Variants in STK33 observed in about 807,000 individuals in gnomAD.
STK33 encodes serine/threonine-protein kinase 33.
STK33 carries 52 observed loss-of-function variants against 58.0 expected under a neutral mutation model. The ratio of observed to expected loss-of-function variants is 0.90; its 90% CI spans 0.72 to 1.13. STK33 has a LOEUF of 1.13. STK33 is among the 50% of genes most tolerant of loss of function. The probability of loss-of-function intolerance (pLI) is 0.00; values close to 1 mark genes in which losing one functional copy is unlikely to be tolerated. For missense variants in STK33, 630 were observed against 604.2 expected, an observed-to-expected ratio of 1.04 and a Z score of -0.45; for synonymous variants, 215 against 200.1, an observed-to-expected ratio of 1.07 and a Z score of -0.63.
intron 14 of STK33, among the ~76,000 whole-genome samples, chr11:8,426,638 T>A (rs1240627415): frequency 6.6e-6 from 1 of 152,102 alleles, no homozygotes; most frequent in Non-Finnish European, 1.5e-5. Context: ...TTATTTTGTG[T>A]TTTTTTCAAA....
intron 1 of STK33, among the ~76,000 whole-genome samples, chr11:8,487,591 A>C (rs143924470): frequency 5.8e-4 from 88 of 152,276 alleles, no homozygotes; most frequent in African/African-American, 1.9e-3. Context: ...GGATAATCAG[A>C]GGAAGTCTTC....
intron 14 of STK33, among the ~76,000 whole-genome samples, chr11:8,432,207 C>T (rs1468925868): frequency 6.6e-6 from 1 of 152,172 alleles, no homozygotes; most frequent in Non-Finnish European, 1.5e-5. Context: ...TAATTTATAG[C>T]AGTGGCTTTT....
At chr11:8,339,190 C>T in the STK33 span, among the ~76,000 whole-genome samples, 2 of 152,226 alleles carry the variant, frequency 1.3e-5, no homozygotes, top group African/African-American at 4.8e-5. Context: ...GTTTGGGGAG[C>T]GATGGGGCTC....
intron 15 of STK33, among the ~76,000 whole-genome samples, chr11:8,398,314 C>T (rs1446320587): frequency 3.3e-5 from 5 of 152,214 alleles, no homozygotes; most frequent in Non-Finnish European, 7.3e-5. Context: ...ATTCAACATT[C>T]TTAAAGCAAA....
chr11:8,473,818 T>C (rs760890739), intron 5 of STK33, among the ~76,000 whole-genome samples: 2 of 152,300 alleles, frequency 1.3e-5, no homozygotes, highest in Admixed American at 6.5e-5. Context: ...CTTAGGCTTA[T>C]TGCTCTGTCT....
chr11:8,370,733 G>A, the STK33 span, among the ~76,000 whole-genome samples: 1 of 152,162 alleles, frequency 6.6e-6, no homozygotes, highest in East Asian at 1.9e-4. Flanking sequence ...GGCTGGAGGG[G>A]CCCCGGGCAA....
chr11:8,338,140 G>A, the STK33 span, among the ~76,000 whole-genome samples: 1 of 152,220 alleles, frequency 6.6e-6, no homozygotes, highest in African/African-American at 2.4e-5. Context: ...AGTATACAGG[G>A]GTGATTAACA....
At chr11:8,431,155 G>A (rs1391561149) in intron 14 of STK33, among the ~76,000 whole-genome samples, 3 of 151,960 alleles carry the variant, frequency 2.0e-5, no homozygotes, top group Admixed American at 6.6e-5. Flanking sequence ...GTGACCCACC[G>A]CACCCGGCCT....
the STK33 span, among the ~76,000 whole-genome samples, chr11:8,357,255 C>T: frequency 6.6e-6 from 1 of 152,242 alleles, no homozygotes; most frequent in African/African-American, 2.4e-5. Context: ...GGCGCGATTA[C>T]ACATTCTCTG....
intron 1 of STK33, among the ~76,000 whole-genome samples, chr11:8,488,910 A>G (rs1042250856): frequency 6.6e-6 from 1 of 152,222 alleles, no homozygotes; most frequent in East Asian, 1.9e-4. Context: ...CTAGACAAAG[A>G]CTTTAAATGA....
intron 1 of STK33, among the ~76,000 whole-genome samples, chr11:8,537,466 G>C (rs897417347): frequency 2.0e-5 from 3 of 152,138 alleles, no homozygotes; most frequent in Non-Finnish European, 4.4e-5. Flanking sequence ...CTGCTTTAAA[G>C]TTCTTGTCAT....
intron 2 of STK33, among the ~76,000 whole-genome samples, chr11:8,478,713 A>G (rs1949513821): frequency 6.6e-6 from 1 of 152,132 alleles, no homozygotes. Context: ...TAAATAGTCA[A>G]TTCAGTCAAA....
the STK33 span, among the ~76,000 whole-genome samples, chr11:8,343,395 T>A: frequency 6.6e-6 from 1 of 152,206 alleles, no homozygotes; most frequent in Non-Finnish European, 1.5e-5. Flanking sequence ...TGACTGGCAG[T>A]GGGGACAGCA....
intron 15 of STK33, among the ~76,000 whole-genome samples, chr11:8,400,924 C>A (rs180796652): frequency 0.19 from 28,995 of 151,866 alleles, 3,352 homozygotes; most frequent in African/African-American, 0.31. Context: ...ATGTGAAGGA[C>A]CTCTTCAAGG....
intron 1 of STK33, 103 bp downstream of exon 1, chr11:8,593,980 T>A (rs2033032385): frequency 6.6e-6 from 1 of 152,222 alleles, no homozygotes; most frequent in South Asian, 2.1e-4. Context: ...GAGGCCCGTT[T>A]TTCCACCGCG....
chr11:8,356,861 T>A, the STK33 span, among the ~76,000 whole-genome samples: 1 of 152,178 alleles, frequency 6.6e-6, no homozygotes, highest in African/African-American at 2.4e-5. Context: ...GCACTCCGCA[T>A]GACCCCCAAT....
chr11:8,592,590 C>T (rs988643885), intron 1 of STK33, among the ~76,000 whole-genome samples: 1 of 152,062 alleles, frequency 6.6e-6, no homozygotes, highest in African/African-American at 2.4e-5. Context: ...TTTGACCTCC[C>T]TATAATTTCA....
the STK33 span, among the ~76,000 whole-genome samples, chr11:8,344,020 C>T: frequency 0.055 from 8,355 of 152,180 alleles, 277 homozygotes; most frequent in Non-Finnish European, 0.073. Context: ...CCGCTCTGGT[C>T]CTTTTTCTTG....
the STK33 span, among the ~76,000 whole-genome samples, chr11:8,362,602 C>T: frequency 1.1e-3 from 167 of 152,330 alleles, no homozygotes; most frequent in South Asian, 3.9e-3. Context: ...CATTTCAAAA[C>T]GCCATTTGTG....
Sources: allele counts gnomAD v4.1 joint callset (sites outside exome capture counted in the v4.1 genomes callset), GRCh38; gene constraint gnomAD v4.1.1; transcripts MANE v1.5; gene names NCBI Gene and HGNC (gene_info 2026-07-23, HGNC 2026-07-21).